Variants in PPARD observed in about 807,000 individuals in gnomAD.
PPARD encodes peroxisome proliferator activated receptor delta.
In PPARD, 6 loss-of-function variants were observed where a neutral mutation model predicts 39.5. The observed-to-expected ratio is 0.15, with a 90% CI of 0.08 to 0.30. The LOEUF (loss-of-function observed/expected upper bound fraction) is 0.30, where lower values mean the gene tolerates loss of function less well. Ranked by LOEUF, PPARD falls within the 10% of genes least tolerant of loss-of-function variation. The probability of loss-of-function intolerance (pLI) is 1.00; values close to 1 mark genes in which losing one functional copy is unlikely to be tolerated. For missense variants in PPARD, 397 were observed against 596.8 expected (o/e 0.67, Z 3.49); for synonymous variants, 210 against 231.3 (o/e 0.91, Z 0.83).
chr6:35,376,492 G>A (rs1197074338), intron 2 of PPARD, among the ~76,000 whole-genome samples: 1 of 151,996 alleles, frequency 6.6e-6, no homozygotes, highest in Middle Eastern at 3.2e-3. Context: ...TGTGTGGTTT[G>A]TAACTTTGGG....
At chr6:35,380,619 G>A (rs1246053166) in intron 2 of PPARD, among the ~76,000 whole-genome samples, 2 of 151,128 alleles carry the variant, frequency 1.3e-5, no homozygotes, top group African/African-American at 4.9e-5. Context: ...AGCCTCCCGA[G>A]TAGCTGGAAC....
chr6:35,349,826 C>A (rs6457814), intron 2 of PPARD, among the ~76,000 whole-genome samples: 8 of 151,956 alleles, frequency 5.3e-5, no homozygotes, highest in African/African-American at 1.9e-4. Flanking sequence ...CCTGTAACCT[C>A]CACCTCCTGG....
At chr6:35,358,152 T>G (rs1761727821) in intron 2 of PPARD, among the ~76,000 whole-genome samples, 1 of 152,182 alleles carries the variant, frequency 6.6e-6, no homozygotes, top group Non-Finnish European at 1.5e-5. Flanking sequence ...CCAAGTGTCC[T>G]TATGAGTGGG....
chr6:35,423,772 G>A (rs1293696048), intron 5 of PPARD, among the ~76,000 whole-genome samples, 174 bp from the exon 6 acceptor site: 2 of 152,006 alleles, frequency 1.3e-5, no homozygotes, highest in African/African-American at 2.4e-5. Flanking sequence ...ATCACATCTT[G>A]TGGAGCTTGC....
intron 3 of PPARD, among the ~76,000 whole-genome samples, chr6:35,414,277 G>T (rs1268819605): frequency 6.6e-6 from 1 of 152,124 alleles, no homozygotes; most frequent in Non-Finnish European, 1.5e-5. Context: ...AGAAGGCACC[G>T]GAAGAGTCTA....
intron 2 of PPARD, among the ~76,000 whole-genome samples, chr6:35,386,315 AT>A (rs751089075): frequency 0.041 from 4,985 of 120,414 alleles, 190 homozygotes; most frequent in East Asian, 0.24. Flanking sequence ...CACCTCTACA[AT>A]TTTTTTTTTT....
chr6:35,410,946 A>C, intron 2 of PPARD, 41 bp from the exon 3 acceptor site: 1 of 1,258,204 alleles, frequency 7.9e-7, no homozygotes, highest in Non-Finnish European at 1.0e-6. Flanking sequence ...CTTCCTTGTC[A>C]CTGCCTCCCC....
At position 35,346,957 on chromosome 6, in the gene PPARD, A is replaced by T. The variant is rs999152038; in HGVS notation, c.-185-110A>T. ...GTGTAAGGGACCGACGAGGAGCCAG[A>T]TTACCTTAGGAACACTCTTTGAGTT... On this transcript the variant is annotated intron_variant, in intron 1 of 7. Transcript: ENST00000360694. 1.9e-5 allele frequency: 12 copies of T among 632,638 alleles called. No homozygotes were observed. In the East Asian group the frequency reaches 3.5e-4, roughly 19 times the overall value. The allele number at this position is 632,638 out of a possible 1,614,324, so 39.2% of individuals were successfully genotyped here. A position where few individuals can be genotyped will look rare whatever the true frequency, so the allele number is the denominator to read the frequency against.
intron 2 of PPARD, among the ~76,000 whole-genome samples, chr6:35,395,641 C>G (rs1005244567): frequency 2.6e-5 from 4 of 152,122 alleles, no homozygotes; most frequent in African/African-American, 7.2e-5. Flanking sequence ...ACTTGGTGAC[C>G]AGGGCCAGGC....
At chr6:35,410,153 G>C (rs1221673917) in intron 2 of PPARD, among the ~76,000 whole-genome samples, 2 of 152,172 alleles carry the variant, frequency 1.3e-5, no homozygotes, top group South Asian at 4.1e-4. Context: ...CTGAGAGTTG[G>C]GGTCCCACAG....
chr6:35,399,532 T>A (rs2150721078), intron 2 of PPARD, among the ~76,000 whole-genome samples: 1 of 151,538 alleles, frequency 6.6e-6, no homozygotes, highest in East Asian at 1.9e-4. Flanking sequence ...CTGGCCAACA[T>A]GGTGAAAACC....
chr6:35,344,614 T>C (rs1185060640), intron 1 of PPARD, among the ~76,000 whole-genome samples: 1 of 152,166 alleles, frequency 6.6e-6, no homozygotes, highest in Non-Finnish European at 1.5e-5. Flanking sequence ...TGACCCACTC[T>C]CATGTTTAGA....
At chr6:35,369,278 A>G (rs1371878641) in intron 2 of PPARD, among the ~76,000 whole-genome samples, 1 of 152,076 alleles carries the variant, frequency 6.6e-6, no homozygotes, top group African/African-American at 2.4e-5. Flanking sequence ...GTCATATTGA[A>G]TGTTACTTTT....
intron 2 of PPARD, among the ~76,000 whole-genome samples, chr6:35,381,024 C>A (rs1474207816): frequency 2.0e-5 from 3 of 152,088 alleles, no homozygotes; most frequent in Non-Finnish European, 1.5e-5. Flanking sequence ...TTTGCTCCTG[C>A]CTTTTGCATC....
chr6:35,347,093 G>T lies in PPARD; in HGVS notation c.-159G>T. 1 of 1,535,978 alleles carries T rather than the reference G, an allele frequency of 6.5e-7. No individual in the cohort carries two copies. The highest frequency in any genetic ancestry group is 8.7e-7 in the Non-Finnish European group (1 of 1,146,820). ...GTTGTACAGTGTTTTGGGCATGCAC[G>T]TGATACTCACACAGTGGCTTCTGCT... is the stretch of plus-strand genomic sequence containing the variant. On this transcript the variant is annotated 5_prime_UTR_variant, in exon 2 of 8. Coordinates refer to ENST00000360694, the MANE Select transcript of PPARD (RefSeq NM_006238.5).
At chr6:35,351,766 C>T (rs986520136) in intron 2 of PPARD, among the ~76,000 whole-genome samples, 1 of 151,650 alleles carries the variant, frequency 6.6e-6, no homozygotes, top group Non-Finnish European at 1.5e-5. Context: ...CTTGCTACAT[C>T]GACCAGGCTG....
At chr6:35,369,772 T>G (rs1762387893) in intron 2 of PPARD, among the ~76,000 whole-genome samples, 1 of 152,224 alleles carries the variant, frequency 6.6e-6, no homozygotes, top group African/African-American at 2.4e-5. Context: ...TCTTTTGCTC[T>G]TATAGCCAGT....
intron 2 of PPARD, among the ~76,000 whole-genome samples, chr6:35,404,341 A>G (rs764296150): frequency 2.6e-5 from 4 of 152,202 alleles, no homozygotes; most frequent in Admixed American, 6.5e-5. Flanking sequence ...ACATTTGCCA[A>G]CATACACAGA....
intron 2 of PPARD, among the ~76,000 whole-genome samples, chr6:35,378,663 G>A (rs957987403): frequency 2.6e-5 from 4 of 152,118 alleles, no homozygotes; most frequent in Admixed American, 1.3e-4. Context: ...TCTGAAAGGC[G>A]CAGTTGCTTT....
Sources: allele counts gnomAD v4.1 joint callset (sites outside exome capture counted in the v4.1 genomes callset), GRCh38; gene constraint gnomAD v4.1.1; transcripts MANE v1.5; gene names NCBI Gene and HGNC (gene_info 2026-07-23, HGNC 2026-07-21).